The following RNF150 variants were observed in gnomAD, a reference collection of about 807,000 sequenced individuals.
RNF150 encodes ring finger protein 150.
In RNF150, 24 loss-of-function variants were observed where a neutral mutation model predicts 39.3. The ratio of observed to expected loss-of-function variants is 0.61; its 90% CI spans 0.44 to 0.86. The LOEUF (loss-of-function observed/expected upper bound fraction) is 0.86. Ranked by LOEUF, RNF150 falls within the 40% of genes least tolerant of loss-of-function variation. The probability of loss-of-function intolerance (pLI) is 0.00; values close to 1 mark genes in which losing one functional copy is unlikely to be tolerated. For missense variants in RNF150, 502 were observed against 587.8 expected, an observed-to-expected ratio of 0.85 and a Z score of 1.51; for synonymous variants, 255 against 227.3, an observed-to-expected ratio of 1.12 and a Z score of -1.10.
At chr4:141,021,741 C>T (rs568300009) in intron 1 of RNF150, among the ~76,000 whole-genome samples, 1 of 152,152 alleles carries the variant, frequency 6.6e-6, no homozygotes, top group Non-Finnish European at 1.5e-5. Flanking sequence ...CCAGCACAGG[C>T]CCTTGAGGAA....
At chr4:141,030,843 G>A (rs1209506943) in intron 1 of RNF150, among the ~76,000 whole-genome samples, 1 of 151,966 alleles carries the variant, frequency 6.6e-6, no homozygotes, top group Non-Finnish European at 1.5e-5. Flanking sequence ...CGGATATAGA[G>A]TTTCTGTTTT....
Position 140,874,681 on chromosome 4 carries a change from G to A in RNF150, c.1199-6302C>T, listed in dbSNP as rs141142001. Among the ~76,000 whole-genome samples the A allele has an allele frequency of 3.6e-3, 548 of 152,142 alleles. 32 individuals are homozygous for A. The East Asian group carries it at 0.083, about 23-fold the overall frequency. On this transcript the variant is annotated intron_variant, in intron 6 of 6. Coordinates refer to ENST00000515673, the MANE Select transcript of RNF150 (RefSeq NM_020724.2). The stretch of plus-strand genomic sequence containing the variant: ...GGCTGGAATGCAGTGGCACAGTCTC[G>A]GCTCATGGCAGCCTCTGCCTCCTGG...
At chr4:141,058,656 T>A (rs752164907) in intron 1 of RNF150, among the ~76,000 whole-genome samples, 2 of 152,160 alleles carry the variant, frequency 1.3e-5, no homozygotes, top group Non-Finnish European at 2.9e-5. Context: ...CTCGAATTCC[T>A]CATTTCAAAA....
chr4:141,112,477 T>C (rs917293670), intron 1 of RNF150, among the ~76,000 whole-genome samples: 3 of 152,172 alleles, frequency 2.0e-5, no homozygotes, highest in African/African-American at 7.2e-5. Context: ...TTTTCTCCTT[T>C]GTTTATGAAG....
intron 1 of RNF150, among the ~76,000 whole-genome samples, chr4:141,049,810 C>T (rs13147751): frequency 0.4 from 61,442 of 151,878 alleles, 15,431 homozygotes; most frequent in Non-Finnish European, 0.56. Context: ...CAACTTAAGC[C>T]CCCTATTAGG....
At chr4:141,162,277 C>T (rs899621926) in intron 1 of RNF150, among the ~76,000 whole-genome samples, 2 of 152,196 alleles carry the variant, frequency 1.3e-5, no homozygotes, top group African/African-American at 2.4e-5. Context: ...GATTTAATGA[C>T]TGCCCTGCTG....
intron 6 of RNF150, among the ~76,000 whole-genome samples, chr4:140,910,753 G>C (rs570987576): frequency 7.9e-5 from 12 of 152,326 alleles, no homozygotes; most frequent in African/African-American, 2.9e-4. Flanking sequence ...AGGTGAGTGG[G>C]TGTGGTTGTG....
intron 4 of RNF150, among the ~76,000 whole-genome samples, chr4:140,931,055 C>A (rs1304931834): frequency 2.7e-5 from 4 of 150,802 alleles, no homozygotes; most frequent in African/African-American, 9.8e-5. Flanking sequence ...GTGAATGAGT[C>A]TGTGTGTGTG....
At chr4:141,105,058 A>G (rs1739152944) in intron 1 of RNF150, among the ~76,000 whole-genome samples, 1 of 152,144 alleles carries the variant, frequency 6.6e-6, no homozygotes, top group African/African-American at 2.4e-5. Context: ...CCTATTTAGG[A>G]GGTTAAATTT....
At chr4:141,165,324 C>T (rs1727582286) in intron 1 of RNF150, among the ~76,000 whole-genome samples, 1 of 152,150 alleles carries the variant, frequency 6.6e-6, no homozygotes. Context: ...TACAAAGAGA[C>T]TTGCACTCCC....
At chr4:141,162,734 G>T (rs367804254) in intron 1 of RNF150, among the ~76,000 whole-genome samples, 1 of 152,224 alleles carries the variant, frequency 6.6e-6, no homozygotes, top group African/African-American at 2.4e-5. Flanking sequence ...CCAAGGAAAA[G>T]CATGAGGGAC....
At chr4:141,167,431 ATT>A (rs1320114080) in intron 1 of RNF150, among the ~76,000 whole-genome samples, 1 of 152,014 alleles carries the variant, frequency 6.6e-6, no homozygotes, top group Non-Finnish European at 1.5e-5. Context: ...TCTTCACAGA[ATT>A]AGAAAAATCT....
At chr4:141,202,156 A>G (rs1041660812) in intron 1 of RNF150, among the ~76,000 whole-genome samples, 1 of 152,150 alleles carries the variant, frequency 6.6e-6, no homozygotes, top group Non-Finnish European at 1.5e-5. Context: ...AACAGCACAA[A>G]TGGAGGATGA....
Position 140,899,962 on chromosome 4 carries a change from CTCTCTCTCTCTCTGTGTGTGTGTGTG to C in RNF150, c.1198+11156_1198+11181del, listed in dbSNP as rs1451203106. ...TCTCACTTTCTCTCTCTCTCTCTCT[CTCTCTCTCTCTCTGTGTGTGTGTGTG>C]TGTGTGTGTGTGTGTGTCCCATTTG... On this transcript the variant is annotated intron_variant, in intron 6 of 6. Transcript: ENST00000515673. 5.1e-5 allele frequency among the ~76,000 whole-genome samples: 6 copies of C among 116,940 alleles called. No homozygotes were observed. The East Asian group carries it at 1.5e-3, about 30-fold the overall frequency. The allele number at this position is 116,940 out of a possible 152,430, so 76.7% of individuals were successfully genotyped here. A position where few individuals can be genotyped will look rare whatever the true frequency, so the allele number is the denominator to read the frequency against.
intron 1 of RNF150, among the ~76,000 whole-genome samples, chr4:141,106,014 C>G (rs1739183571): frequency 6.6e-6 from 1 of 152,162 alleles, no homozygotes; most frequent in Non-Finnish European, 1.5e-5. Context: ...ACCACACAAC[C>G]CATCTACTTG....
At chr4:141,143,253 A>G (rs1727150610) in intron 1 of RNF150, among the ~76,000 whole-genome samples, 2 of 152,106 alleles carry the variant, frequency 1.3e-5, no homozygotes, top group African/African-American at 4.8e-5. Context: ...TAATTTACAT[A>G]TCTATATTGA....
At chr4:141,059,291 A>G (rs554265288) in intron 1 of RNF150, among the ~76,000 whole-genome samples, 2 of 152,098 alleles carry the variant, frequency 1.3e-5, no homozygotes, top group South Asian at 4.2e-4. Context: ...TAATTCTATC[A>G]TTCTTTGGTC....
intron 2 of RNF150, among the ~76,000 whole-genome samples, chr4:140,964,225 T>C (rs1314174920): frequency 6.6e-6 from 1 of 152,142 alleles, no homozygotes; most frequent in Non-Finnish European, 1.5e-5. Flanking sequence ...ACTCTGGAGT[T>C]CTGCTGCTGG....
chr4:141,156,072 C>T lies in RNF150; in HGVS notation c.-6+56722G>A, dbSNP rs576074253. The stretch of plus-strand genomic sequence containing the variant: ...AGGAGGAAAAAGGAGGCAACATGGA[C>T]CTTCCATCCCATCATGGCTGGAAGG... On this transcript the variant is annotated intron_variant, in intron 1 of 7. Coordinates refer to the RNF150 transcript ENST00000420921. Among the ~76,000 whole-genome samples the T allele has an allele frequency of 9.2e-3, 1,374 of 149,924 alleles. 30 individuals are homozygous for T. Among genetic ancestry groups the T allele is most frequent in the African/African-American group, 0.031 (1,261 of 40,170 alleles).
Sources: gnomAD v4.1 joint callset for allele counts (sites outside exome capture counted in the v4.1 genomes callset) on GRCh38, gnomAD v4.1.1 for gene constraint, MANE v1.5 for transcripts, NCBI Gene and HGNC (gene_info 2026-07-23, HGNC 2026-07-21) for gene names.